Variants in PIK3CG observed in about 807,000 individuals in gnomAD.
PIK3CG encodes the protein phosphatidylinositol 4,5-bisphosphate 3-kinase catalytic subunit gamma isoform.
PIK3CG carries 55 observed loss-of-function variants against 102.3 expected under a neutral mutation model. The ratio of observed to expected loss-of-function variants is 0.54; its 90% confidence interval spans 0.43 to 0.67. The LOEUF is 0.67. Among genes scored for constraint, PIK3CG ranks in the 30% least tolerant of loss-of-function variants. PIK3CG has a pLI of 0.00. For synonymous variants in PIK3CG, 552 were observed against 540.0 expected, an observed-to-expected ratio of 1.02 and a Z score of -0.31; for missense variants, 1,258 against 1,391.8, an observed-to-expected ratio of 0.90 and a Z score of 1.53.
Position 106,874,830 on chromosome 7 carries a change from T to C in PIK3CG, c.2391+27T>C. Reference sequence around the variant, plus strand: ...TAGGTATCACTTGGATGTCTCCATGTGGTCTTTATGTCTTGAAGATGTCTA... The same window carrying C: ...TAGGTATCACTTGGATGTCTCCATGCGGTCTTTATGTCTTGAAGATGTCTA... On this transcript the variant is annotated intron_variant, in intron 5 of 10. Coordinates refer to ENST00000496166, the MANE Select transcript of PIK3CG (RefSeq NM_001282426.2). The surrounding 1 kb of genome is among the most constrained non-coding windows in gnomAD (Gnocchi z 4.3). The C allele has an allele frequency of 7.0e-7, 1 of 1,434,496 alleles. No individual in the cohort carries two copies. The highest frequency in any genetic ancestry group is 2.3e-5 in the East Asian group (1 of 44,034). 88.9% of individuals were successfully genotyped at this position (1,434,496 alleles called of 1,614,324 possible).
At chr7:106,870,581 A>C (rs1347838193) in intron 2 of PIK3CG, among the ~76,000 whole-genome samples, 1 of 152,244 alleles carries the variant, frequency 6.6e-6, no homozygotes, top group Admixed American at 6.5e-5. Context: ...GTATTATGAG[A>C]AAACAGTCCA....
Position 106,865,373 on chromosome 7 carries a change from T to G in PIK3CG, c.-66T>G. The stretch of plus-strand genomic sequence containing the variant: ...TGGGTAGGTTTGAATTTGTTTTGTT[T>G]TCAAAAATTAAACAAATGATCCTTC... On this transcript the variant is annotated 5_prime_UTR_variant, in exon 1 of 11. Coordinates refer to ENST00000496166, the MANE Select transcript of PIK3CG (RefSeq NM_001282426.2). 1 of 152,230 alleles carries G rather than the reference T, an allele frequency of 6.6e-6. No individual in the cohort carries two copies. Among genetic ancestry groups the G allele is most frequent in the East Asian group, 1.9e-4 (1 of 5,198 alleles). 9.4% of individuals were successfully genotyped at this position (152,230 alleles called of 1,614,324 possible).
Position 106,867,415 on chromosome 7 carries a change from A to G in PIK3CG, c.-12-135A>G. ...CGCTCTGAAGGGCTGTAGTGCTTCC[A>G]GTTTAAAATACTTGGTCCCTCTGGG... On this transcript the variant is annotated intron_variant, in intron 1 of 10. Transcript: ENST00000496166. The surrounding 1 kb of genome is among the most constrained non-coding windows in gnomAD (Gnocchi z 5.1). 1.3e-6 allele frequency: 1 copy of G among 764,346 alleles called. No individual in the cohort carries two copies. Among genetic ancestry groups the G allele is most frequent in the South Asian group, 2.0e-5 (1 of 49,506 alleles). 47.3% of individuals were successfully genotyped at this position (764,346 alleles called of 1,614,324 possible).
In PIK3CG at chr7:106,895,195, C is replaced by G. The variant is rs1267856352; in HGVS notation, c.3030+8903C>G. Reference sequence around the variant, plus strand: ...GTCAGATTTTTCCCTTACTCTTCTTCTCTCAATAATACAAATCCTTCAACA... The same window carrying G: ...GTCAGATTTTTCCCTTACTCTTCTTGTCTCAATAATACAAATCCTTCAACA... On this transcript the variant is annotated intron_variant, in intron 10 of 10. Transcript: ENST00000496166. The surrounding 1 kb of genome is among the most constrained non-coding windows in gnomAD (Gnocchi z 5.4). Among the ~76,000 whole-genome samples, 1 of 152,220 alleles carries G rather than the reference C, an allele frequency of 6.6e-6. No individual in the cohort carries two copies. The highest frequency in any genetic ancestry group is 1.5e-5 in the Non-Finnish European group (1 of 68,042).
chr7:106,896,092 T>C (rs1228487745), intron 10 of PIK3CG, among the ~76,000 whole-genome samples: 2 of 152,202 alleles, frequency 1.3e-5, no homozygotes, highest in African/African-American at 4.8e-5. Context: ...ATTAGAACTA[T>C]CTGAATAAAT....
At chr7:106,878,223 G>T (rs1790820950) in intron 5 of PIK3CG, among the ~76,000 whole-genome samples, 1 of 152,002 alleles carries the variant, frequency 6.6e-6, no homozygotes, top group African/African-American at 2.4e-5. Flanking sequence ...ATTTTCTGAT[G>T]ATGAGTCTTA....
At position 106,890,212 on chromosome 7, in the gene PIK3CG, C is replaced by G. The variant is rs1791232639; in HGVS notation, c.3030+3920C>G. Among the ~76,000 whole-genome samples the G allele has an allele frequency of 6.6e-6, 1 of 152,208 alleles. No homozygotes were observed. The highest frequency in any genetic ancestry group is 1.5e-5 in the Non-Finnish European group (1 of 68,036). ...TTTTGTTTTGTTTGAGACGGAGTCTCTCTCTGTTGCCCAGGCTGGAATGCA... is the reference window on the plus strand; with the variant it reads ...TTTTGTTTTGTTTGAGACGGAGTCTGTCTCTGTTGCCCAGGCTGGAATGCA... On this transcript the variant is annotated intron_variant, in intron 10 of 10. Transcript: ENST00000496166. The surrounding 1 kb of genome is among the most constrained non-coding windows in gnomAD (Gnocchi z 4.2).
Position 106,884,835 on chromosome 7 carries a change from CT to C in PIK3CG, c.2872+570del, listed in dbSNP as rs1239889415. ...ATGGTCTCTGTGCAGTGAAACCTCT[CT>C]GCTAATGTTAATCTGTATTTACAGC... is the stretch of plus-strand genomic sequence containing the variant. On this transcript the variant is annotated intron_variant, in intron 9 of 10. Transcript: ENST00000496166. The surrounding 1 kb of genome is among the most constrained non-coding windows in gnomAD (Gnocchi z 4.2). 6.6e-6 allele frequency among the ~76,000 whole-genome samples: 1 copy of C among 152,198 alleles called. No individual in the cohort carries two copies. The highest frequency in any genetic ancestry group is 1.5e-5 in the Non-Finnish European group (1 of 68,040).
intron 7 of PIK3CG, 29 bp from the exon 8 acceptor site, chr7:106,882,994 GCCCCCAATCT>G (rs1282024856): frequency 3.1e-6 from 5 of 1,604,586 alleles, no homozygotes; most frequent in Non-Finnish European, 4.3e-6. Context: ...CCAGGTACTG[GCCCCCAATCT>G]CCATCAGACT....
In PIK3CG at chr7:106,872,971, C is replaced by A. The variant is rs2116490913; in HGVS notation, c.2287+33C>A. ...GGCTATATTTTCTGTGTTCTCTTTC[C>A]AAATGCCTTCATCTCCAAATGCCAT... On this transcript the variant is annotated intron_variant, in intron 4 of 10. Transcript: ENST00000496166. This position sits in a 1 kb window ranked among gnomAD's most constrained non-coding sequence, Gnocchi z 5.3. 7.2e-7 allele frequency: 1 copy of A among 1,391,092 alleles called. No individual in the cohort carries two copies. The highest frequency in any genetic ancestry group is 1.0e-6 in the Non-Finnish European group (1 of 978,628). The allele number at this position is 1,391,092 out of a possible 1,614,324, so 86.2% of individuals were successfully genotyped here. A position where few individuals can be genotyped will look rare whatever the true frequency, so the allele number is the denominator to read the frequency against.
intron 6 of PIK3CG, among the ~76,000 whole-genome samples, chr7:106,881,457 T>C (rs541835669): frequency 6.6e-6 from 1 of 152,314 alleles, no homozygotes; most frequent in East Asian, 1.9e-4. Context: ...TTGATAAATA[T>C]GTGTAAGGAT....
rs772272903 is a variant in PIK3CG at position 106,884,441 on chromosome 7, C to T, written c.2872+175C>T. On this transcript the variant is annotated intron_variant, in intron 9 of 10. Coordinates refer to ENST00000496166, the MANE Select transcript of PIK3CG (RefSeq NM_001282426.2). This position sits in a 1 kb window ranked among gnomAD's most constrained non-coding sequence, Gnocchi z 4.2. ...CCCAGAATTTTTCCATCTTCCCCAG[C>T]TGAAACTCTGTACCCATTAAACACT... Among the ~76,000 whole-genome samples, 6 of 152,200 alleles carry T rather than the reference C, an allele frequency of 3.9e-5. No homozygotes were observed. Among genetic ancestry groups the T allele is most frequent in the Non-Finnish European group, 7.3e-5 (5 of 68,036 alleles).
rs1791015904 is a variant in PIK3CG, at chr7:106,884,025, T to G, written c.2761-130T>G. ...TGGCAATTCATAGATATAATGCTAA[T>G]GAAATCAGGCACAACTAACTTGCTC... is the stretch of plus-strand genomic sequence containing the variant. On this transcript the variant is annotated intron_variant, in intron 8 of 10. Transcript: ENST00000496166. This position sits in a 1 kb window ranked among gnomAD's most constrained non-coding sequence, Gnocchi z 4.2. 1 of 698,376 alleles carries G rather than the reference T, an allele frequency of 1.4e-6. No individual in the cohort carries two copies. The highest frequency in any genetic ancestry group is 2.3e-5 in the Admixed American group (1 of 42,960). 43.3% of individuals were successfully genotyped at this position (698,376 alleles called of 1,614,324 possible).
At chr7:106,896,551 G>A (rs948858627) in intron 10 of PIK3CG, among the ~76,000 whole-genome samples, 4 of 152,104 alleles carry the variant, frequency 2.6e-5, no homozygotes, top group Admixed American at 6.6e-5. Flanking sequence ...TGGGTCCTAC[G>A]GATGAGCAAA....
chr7:106,866,528 G>A (rs954666623), intron 1 of PIK3CG, among the ~76,000 whole-genome samples: 4 of 152,156 alleles, frequency 2.6e-5, no homozygotes, highest in African/African-American at 9.7e-5. Flanking sequence ...TTAAATGATT[G>A]GGGGTCTTAA....
rs1248262985 is a variant in PIK3CG, at chr7:106,879,279, G to A, written c.2392-240G>A. 6.6e-6 allele frequency among the ~76,000 whole-genome samples: 1 copy of A among 152,198 alleles called. No individual in the cohort carries two copies. The highest frequency in any genetic ancestry group is 1.5e-5 in the Non-Finnish European group (1 of 68,042). On this transcript the variant is annotated intron_variant, in intron 5 of 10. Transcript: ENST00000496166. The surrounding 1 kb of genome is among the most constrained non-coding windows in gnomAD (Gnocchi z 4.9). ...CTCTTAGGCACTTCCAAAGACTCTT[G>A]TGGTTCTTTGGAGCACAGTTTGAGA... is the stretch of plus-strand genomic sequence containing the variant.
intron 10 of PIK3CG, among the ~76,000 whole-genome samples, chr7:106,889,444 G>A (rs1241971873): frequency 1.3e-5 from 2 of 152,052 alleles, no homozygotes; most frequent in African/African-American, 2.4e-5. Flanking sequence ...TCAAGATCAG[G>A]GACCACATCT....
chr7:106,869,684 T>C lies in PIK3CG; in HGVS notation c.1995+128T>C. 2.7e-6 allele frequency: 2 copies of C among 753,440 alleles called. No homozygotes were observed. The highest frequency in any genetic ancestry group is 2.7e-5 in the East Asian group (1 of 37,006). The allele number at this position is 753,440 out of a possible 1,614,324, so 46.7% of individuals were successfully genotyped here. A position where few individuals can be genotyped will look rare whatever the true frequency, so the allele number is the denominator to read the frequency against. ...GCTTCATCATCGGCAAAAGTAGATA[T>C]GATGAAGCTGCCTCAAAAAGTAGTA... On this transcript the variant is annotated intron_variant, in intron 2 of 10. Transcript: ENST00000496166. This position sits in a 1 kb window ranked among gnomAD's most constrained non-coding sequence, Gnocchi z 5.3.
chr7:106,877,209 AAAAG>A lies in PIK3CG; in HGVS notation c.2392-2306_2392-2303del, dbSNP rs1487699443. Among the ~76,000 whole-genome samples, 1 of 152,226 alleles carries A rather than the reference AAAAG, an allele frequency of 6.6e-6. No individual in the cohort carries two copies. The highest frequency in any genetic ancestry group is 1.5e-5 in the Non-Finnish European group (1 of 68,034). On this transcript the variant is annotated intron_variant, in intron 5 of 10. Transcript: ENST00000496166. The surrounding 1 kb of genome is among the most constrained non-coding windows in gnomAD (Gnocchi z 4.5). ...CGAGACCCTGTTTCAAAAGAAATGA[AAAAG>A]AAATCTATCTAATCCAGTGCCTCAG...
Sources: gnomAD v4.1 joint callset for allele counts (sites outside exome capture counted in the v4.1 genomes callset) on GRCh38, gnomAD v4.1.1 for gene constraint, Gnocchi (gnomAD v3.1) non-coding constraint, MANE v1.5 for transcripts, NCBI Gene and HGNC (gene_info 2026-07-23, HGNC 2026-07-21) for gene names.